Variants in SH3GL3 observed in about 807,000 individuals in gnomAD.
SH3GL3 encodes the protein endophilin-A3.
In SH3GL3, 33 loss-of-function variants were observed where a neutral mutation model predicts 47.7. The observed-to-expected ratio is 0.69, with a 90% CI of 0.52 to 0.92. SH3GL3 has a LOEUF of 0.92. Among genes scored for constraint, SH3GL3 ranks in the 40% least tolerant of loss-of-function variants. The pLI is 0.00. For synonymous variants in SH3GL3, 155 were observed against 148.8 expected (o/e 1.04, Z -0.30); for missense variants, 363 against 417.8 (o/e 0.87, Z 1.14).
At chr15:83,576,984 C>T (rs2059700868) in intron 6 of SH3GL3, among the ~76,000 whole-genome samples, 1 of 132,466 alleles carries the variant, frequency 7.5e-6, no homozygotes, top group South Asian at 2.3e-4. Context: ...TGTCTCGGCT[C>T]ACTACAACCT....
chr15:83,472,817 A>G (rs371324344), intron 1 of SH3GL3, among the ~76,000 whole-genome samples: 4 of 151,948 alleles, frequency 2.6e-5, no homozygotes, highest in African/African-American at 9.7e-5. Flanking sequence ...TCTTAATTAC[A>G]TTGTCTGGTT....
chr15:83,531,888 G>A (rs1301427019), intron 1 of SH3GL3, among the ~76,000 whole-genome samples: 1 of 151,528 alleles, frequency 6.6e-6, no homozygotes, highest in Non-Finnish European at 1.5e-5. Context: ...TGAGAGAGAT[G>A]GAAGACATAT....
At chr15:83,564,227 G>A (rs1159662282) in intron 2 of SH3GL3, among the ~76,000 whole-genome samples, 1 of 151,944 alleles carries the variant, frequency 6.6e-6, no homozygotes, top group Non-Finnish European at 1.5e-5. Flanking sequence ...CTATCAGCTT[G>A]CCAAATTTTA....
At chr15:83,467,038 T>TCCAA (rs2040600075) in intron 1 of SH3GL3, among the ~76,000 whole-genome samples, 5 of 152,220 alleles carry the variant, frequency 3.3e-5, no homozygotes, top group Admixed American at 2.0e-4. Context: ...AGAGCAAAAG[T>TCCAA]TTTACATTTT....
At chr15:83,535,095 T>G (rs1567312136) in intron 1 of SH3GL3, among the ~76,000 whole-genome samples, 1 of 139,770 alleles carries the variant, frequency 7.2e-6, no homozygotes, top group African/African-American at 2.7e-5. Flanking sequence ...ACCATCTATG[T>G]AAAAAAAAGG....
intron 7 of SH3GL3, among the ~76,000 whole-genome samples, chr15:83,587,711 A>G (rs2059991800): frequency 6.6e-6 from 1 of 152,198 alleles, no homozygotes; most frequent in Admixed American, 6.5e-5. Flanking sequence ...AGGTTTCTGC[A>G]TTCCTTGTGA....
chr15:83,468,069 A>G (rs2040657127), intron 1 of SH3GL3, among the ~76,000 whole-genome samples: 1 of 152,146 alleles, frequency 6.6e-6, no homozygotes, highest in East Asian at 1.9e-4. Context: ...TGACCTTGTG[A>G]TCTGCCCGCC....
At chr15:83,562,292 G>C (rs928814952) in intron 2 of SH3GL3, among the ~76,000 whole-genome samples, 1 of 152,068 alleles carries the variant, frequency 6.6e-6, no homozygotes, top group African/African-American at 2.4e-5. Context: ...GGCCTACAAG[G>C]TACCTGCAAG....
intron 8 of SH3GL3, among the ~76,000 whole-genome samples, chr15:83,599,174 C>T (rs1340271517): frequency 6.6e-6 from 1 of 152,138 alleles, no homozygotes; most frequent in Non-Finnish European, 1.5e-5. Flanking sequence ...AGCACTCCCC[C>T]TTTCCTTTCT....
At chr15:83,553,931 G>A (rs964957520) in intron 1 of SH3GL3, among the ~76,000 whole-genome samples, 9 of 151,620 alleles carry the variant, frequency 5.9e-5, no homozygotes, top group Admixed American at 2.0e-4. Context: ...CTCTTGGTTC[G>A]GTTTTTATTT....
chr15:83,457,047 C>G (rs962879370), intron 1 of SH3GL3, among the ~76,000 whole-genome samples: 11 of 152,186 alleles, frequency 7.2e-5, no homozygotes, highest in Non-Finnish European at 1.3e-4. Context: ...TTACCACTCA[C>G]TGATTTGTAT....
At chr15:83,482,105 A>C (rs2151558353) in intron 1 of SH3GL3, among the ~76,000 whole-genome samples, 1 of 152,306 alleles carries the variant, frequency 6.6e-6, no homozygotes, top group South Asian at 2.1e-4. Flanking sequence ...GTGATCTATT[A>C]AAAAATTTGT....
At chr15:83,561,744 A>T (rs2045285259) in intron 2 of SH3GL3, among the ~76,000 whole-genome samples, 1 of 152,102 alleles carries the variant, frequency 6.6e-6, no homozygotes, top group Non-Finnish European at 1.5e-5. Flanking sequence ...CACTGATAGC[A>T]TTTTTTAAAG....
chr15:83,596,874 C>G (rs752803007), intron 8 of SH3GL3, among the ~76,000 whole-genome samples: 6 of 152,106 alleles, frequency 3.9e-5, no homozygotes, highest in East Asian at 1.9e-4. Context: ...TTTGTCCTTC[C>G]TCGGACAAAA....
intron 1 of SH3GL3, among the ~76,000 whole-genome samples, chr15:83,543,935 A>G (rs761453812): frequency 2.6e-5 from 4 of 151,114 alleles, no homozygotes; most frequent in Non-Finnish European, 5.9e-5. Context: ...AGGTTTGTCA[A>G]TTTTGTTCGT....
At chr15:83,555,898 A>T (rs144862931) in intron 1 of SH3GL3, among the ~76,000 whole-genome samples, 1 of 152,334 alleles carries the variant, frequency 6.6e-6, no homozygotes, top group Non-Finnish European at 1.5e-5. Context: ...CAGATTCACA[A>T]AAATGTTTAT....
intron 8 of SH3GL3, among the ~76,000 whole-genome samples, chr15:83,594,659 C>T (rs2060193918): frequency 1.3e-5 from 2 of 152,116 alleles, no homozygotes; most frequent in South Asian, 4.1e-4. Context: ...ATGAACTTGA[C>T]AGTTTTGGGG....
chr15:83,530,290 G>T (rs998208098), intron 1 of SH3GL3, among the ~76,000 whole-genome samples: 3 of 152,148 alleles, frequency 2.0e-5, no homozygotes, highest in African/African-American at 7.2e-5. Flanking sequence ...GGCCCAGGAG[G>T]ATAGAGAGGC....
chr15:83,515,217 G>A (rs1348001336), intron 1 of SH3GL3, among the ~76,000 whole-genome samples: 2 of 152,280 alleles, frequency 1.3e-5, no homozygotes, highest in East Asian at 3.9e-4. Flanking sequence ...TTCTATGCCC[G>A]AGTTCATAAG....
Sources: allele counts gnomAD v4.1 joint callset (sites outside exome capture counted in the v4.1 genomes callset), GRCh38; gene constraint gnomAD v4.1.1; transcripts MANE v1.5; gene names NCBI Gene and HGNC (gene_info 2026-07-23, HGNC 2026-07-21).